The following LOC128706665 variants were observed in gnomAD, a reference collection of about 807,000 sequenced individuals.
the LOC128706665 span, among the ~76,000 whole-genome samples, chr20:10,426,333 A>C: frequency 6.6e-6 from 1 of 152,190 alleles, no homozygotes; most frequent in South Asian, 2.1e-4. Context: ...GATGAGGGGA[A>C]CATTTGGAGG....
At chr20:10,426,241 C>T in the LOC128706665 span, among the ~76,000 whole-genome samples, 1 of 152,324 alleles carries the variant, frequency 6.6e-6, no homozygotes, top group East Asian at 1.9e-4. Flanking sequence ...GCCTAGTACT[C>T]TACTAAGCAA....
the LOC128706665 span, among the ~76,000 whole-genome samples, chr20:10,419,624 C>T: frequency 4.3e-3 from 648 of 152,222 alleles, 6 homozygotes; most frequent in African/African-American, 0.015. Context: ...AAATTAGGCA[C>T]AATACTCCTG....
chr20:10,426,769 T>TA, the LOC128706665 span, among the ~76,000 whole-genome samples: 3 of 152,146 alleles, frequency 2.0e-5, no homozygotes, highest in African/African-American at 7.2e-5. Flanking sequence ...TGTCCAAAAT[T>TA]AGAGGGCATC....
At chr20:10,433,877 C>G in the LOC128706665 span, among the ~76,000 whole-genome samples, 1 of 152,178 alleles carries the variant, frequency 6.6e-6, no homozygotes, top group East Asian at 1.9e-4. Flanking sequence ...AAGACCTCCT[C>G]GCCGCCCGCA....
chr20:10,422,718 T>A, the LOC128706665 span, among the ~76,000 whole-genome samples: 1 of 151,792 alleles, frequency 6.6e-6, no homozygotes, highest in Non-Finnish European at 1.5e-5. Flanking sequence ...ATTATCTTTT[T>A]TTTTTTTTTG....
At chr20:10,414,259 C>T in the LOC128706665 span, among the ~76,000 whole-genome samples, 1 of 145,070 alleles carries the variant, frequency 6.9e-6, no homozygotes, top group African/African-American at 2.6e-5. Flanking sequence ...AATTAGGTCT[C>T]TGAGTCTTTT....
the LOC128706665 span, among the ~76,000 whole-genome samples, chr20:10,428,995 C>A: frequency 6.6e-6 from 1 of 152,154 alleles, no homozygotes; most frequent in Non-Finnish European, 1.5e-5. Context: ...CTCTTAAGGG[C>A]CTTTCTCTTT....
At chr20:10,424,200 A>C in the LOC128706665 span, among the ~76,000 whole-genome samples, 1 of 152,106 alleles carries the variant, frequency 6.6e-6, no homozygotes, top group South Asian at 2.1e-4. Context: ...CTTTAAAATG[A>C]CATTGGCATA....
At chr20:10,421,280 C>T in the LOC128706665 span, among the ~76,000 whole-genome samples, 11 of 139,386 alleles carry the variant, frequency 7.9e-5, no homozygotes, top group Non-Finnish European at 1.6e-4. Flanking sequence ...AAGTATTAGT[C>T]GGATATGGTG....
the LOC128706665 span, among the ~76,000 whole-genome samples, chr20:10,414,833 T>C: frequency 2.0e-5 from 3 of 152,200 alleles, no homozygotes; most frequent in Non-Finnish European, 4.4e-5. Context: ...TTTAAACACC[T>C]GGCTAAAGTC....
At chr20:10,417,602 C>T in the LOC128706665 span, among the ~76,000 whole-genome samples, 2 of 151,976 alleles carry the variant, frequency 1.3e-5, no homozygotes, top group African/African-American at 4.8e-5. Flanking sequence ...AAATCAAGGC[C>T]TGTGCCCAAG....
chr20:10,430,430 G>A, the LOC128706665 span, among the ~76,000 whole-genome samples: 7 of 150,766 alleles, frequency 4.6e-5, no homozygotes, highest in Non-Finnish European at 7.4e-5. Flanking sequence ...ACTTTGTCTG[G>A]GCTCAGTAAT....
chr20:10,433,242 T>C, the LOC128706665 span, among the ~76,000 whole-genome samples: 10 of 152,214 alleles, frequency 6.6e-5, no homozygotes, highest in East Asian at 1.2e-3. Flanking sequence ...CTGACTCAAG[T>C]GATCCGCCCG....
chr20:10,429,024 T>A, the LOC128706665 span, among the ~76,000 whole-genome samples: 1 of 152,122 alleles, frequency 6.6e-6, no homozygotes, highest in Non-Finnish European at 1.5e-5. Flanking sequence ...TATGACTATT[T>A]TTCTCCACTG....
At chr20:10,423,161 G>A in the LOC128706665 span, among the ~76,000 whole-genome samples, 1 of 152,152 alleles carries the variant, frequency 6.6e-6, no homozygotes, top group Admixed American at 6.5e-5. Flanking sequence ...TTAGGGCCAG[G>A]TGCAGTGGCT....
At chr20:10,432,984 C>T in the LOC128706665 span, among the ~76,000 whole-genome samples, 24 of 152,128 alleles carry the variant, frequency 1.6e-4, no homozygotes, top group African/African-American at 5.8e-4. Context: ...ACAGATGTAA[C>T]CATCTTTTTT....
At chr20:10,424,226 T>C in the LOC128706665 span, among the ~76,000 whole-genome samples, 13 of 151,986 alleles carry the variant, frequency 8.6e-5, no homozygotes, top group African/African-American at 3.1e-4. Context: ...AGACCTCATC[T>C]CTATTTTAAA....
At chr20:10,432,239 T>C in the LOC128706665 span, among the ~76,000 whole-genome samples, 22 of 152,360 alleles carry the variant, frequency 1.4e-4, no homozygotes, top group Non-Finnish European at 2.5e-4. Flanking sequence ...GAGAACATCC[T>C]TGAGACTTCA....
the LOC128706665 span, among the ~76,000 whole-genome samples, chr20:10,424,736 G>A: frequency 3.3e-5 from 5 of 151,814 alleles, no homozygotes; most frequent in Non-Finnish European, 5.9e-5. Context: ...TTTCTTCTTA[G>A]TTCCTCTGTG....
Sources: allele counts gnomAD v4.1 joint callset (sites outside exome capture counted in the v4.1 genomes callset), GRCh38; gene constraint gnomAD v4.1.1; transcripts MANE v1.5.